Variants in TMED3 observed in about 807,000 individuals in gnomAD.
TMED3 encodes the protein transmembrane emp24 domain-containing protein 3.
A neutral mutation model predicts 15.0 loss-of-function variants in TMED3; 9 were observed. The ratio of observed to expected loss-of-function variants is 0.60; its 90% CI spans 0.36 to 1.04. TMED3 has a LOEUF of 1.04. TMED3 is among the 50% of genes least tolerant of loss of function. The pLI is 0.01. For synonymous variants in TMED3, 117 were observed against 121.4 expected (o/e 0.96, Z 0.24); for missense variants, 267 against 278.9 (o/e 0.96, Z 0.30).
intron 2 of TMED3, among the ~76,000 whole-genome samples, chr15:79,347,541 G>C (rs998313537): frequency 6.6e-6 from 1 of 152,116 alleles, no homozygotes; most frequent in Non-Finnish European, 1.5e-5. Flanking sequence ...GGGCAATCAG[G>C]CAAGGGAAAG....
intron 2 of TMED3, among the ~76,000 whole-genome samples, chr15:79,368,211 C>G (rs1893273223): frequency 6.6e-6 from 1 of 152,198 alleles, no homozygotes; most frequent in Non-Finnish European, 1.5e-5. Context: ...TGAGGGCCAG[C>G]TAGGTGCCTG....
chr15:79,349,969 A>T (rs936559481), intron 2 of TMED3, among the ~76,000 whole-genome samples: 1 of 152,360 alleles, frequency 6.6e-6, no homozygotes, highest in East Asian at 1.9e-4. Flanking sequence ...TCTGTTTTAC[A>T]TGTATCCCTC....
intron 2 of TMED3, among the ~76,000 whole-genome samples, chr15:79,343,656 G>A (rs973592674): frequency 2.6e-5 from 4 of 152,166 alleles, no homozygotes; most frequent in African/African-American, 9.7e-5. Flanking sequence ...TGCAGGGAGT[G>A]AGGAGCTACT....
downstream of TMED3, among the ~76,000 whole-genome samples, chr15:79,326,555 AC>A (rs1555421594): frequency 6.6e-6 from 1 of 152,200 alleles, no homozygotes; most frequent in Non-Finnish European, 1.5e-5. Flanking sequence ...ACCCTGCCCA[AC>A]CTTTGTAAAT....
chr15:79,345,569 G>C (rs2058867799), intron 2 of TMED3, among the ~76,000 whole-genome samples: 1 of 152,086 alleles, frequency 6.6e-6, no homozygotes, highest in Admixed American at 6.6e-5. Context: ...TTAGGTTGTT[G>C]ATTCCATGTC....
chr15:79,327,507 C>T (rs2141221402), downstream of TMED3, among the ~76,000 whole-genome samples: 1 of 152,346 alleles, frequency 6.6e-6, no homozygotes, highest in African/African-American at 2.4e-5. Context: ...GCTGGATGTT[C>T]TTTTAAATGT....
intron 2 of TMED3, chr15:79,314,761 A>C: frequency 3.6e-6 from 1 of 278,156 alleles, no homozygotes. Context: ...TTTTGGGGGG[A>C]TAGTCATGTC....
intron 2 of TMED3, among the ~76,000 whole-genome samples, chr15:79,377,543 T>C (rs1269540187): frequency 2.0e-5 from 3 of 152,140 alleles, no homozygotes; most frequent in Non-Finnish European, 4.4e-5. Context: ...CCATAGTGCA[T>C]AGATTTTTAG....
intron 2 of TMED3, among the ~76,000 whole-genome samples, chr15:79,405,533 C>T (rs1337552524): frequency 6.6e-6 from 1 of 152,138 alleles, no homozygotes; most frequent in Admixed American, 6.6e-5. Context: ...AGAACCCTAC[C>T]AAACCTTAGT....
chr15:79,360,006 T>C (rs757527854), intron 2 of TMED3, among the ~76,000 whole-genome samples: 4 of 152,222 alleles, frequency 2.6e-5, no homozygotes, highest in Non-Finnish European at 4.4e-5. Flanking sequence ...TGTTATACTC[T>C]TCCACTGTTA....
chr15:79,318,091 G>A (rs2058748901), intron 2 of TMED3, among the ~76,000 whole-genome samples: 1 of 152,108 alleles, frequency 6.6e-6, no homozygotes, highest in Admixed American at 6.5e-5. Flanking sequence ...TTCTTTGCCT[G>A]TGCTTCTGCT....
chr15:79,401,842 A>G (rs1302035440), intron 2 of TMED3, among the ~76,000 whole-genome samples: 1 of 152,140 alleles, frequency 6.6e-6, no homozygotes, highest in Non-Finnish European at 1.5e-5. Flanking sequence ...ACCATTTTCA[A>G]ATAGATGTGG....
intron 2 of TMED3, among the ~76,000 whole-genome samples, chr15:79,352,954 TA>T (rs976563672): frequency 1.8e-4 from 21 of 119,164 alleles, no homozygotes; most frequent in South Asian, 2.3e-4. Context: ...ATAATATATG[TA>T]ATATATAATA....
intron 2 of TMED3, among the ~76,000 whole-genome samples, chr15:79,372,853 C>A (rs917361975): frequency 2.0e-5 from 3 of 152,194 alleles, no homozygotes; most frequent in African/African-American, 7.2e-5. Flanking sequence ...TAGAATTCTC[C>A]TTTCTTATCA....
At chr15:79,316,440 T>G (rs1257358767) in intron 2 of TMED3, among the ~76,000 whole-genome samples, 2 of 152,198 alleles carry the variant, frequency 1.3e-5, no homozygotes, top group Admixed American at 6.5e-5. Context: ...TAGGAAGGAT[T>G]AAAGGTTTTC....
intron 2 of TMED3, among the ~76,000 whole-genome samples, chr15:79,364,320 T>A (rs922044535): frequency 1.9e-4 from 29 of 152,130 alleles, no homozygotes; most frequent in Non-Finnish European, 4.3e-4. Context: ...AGTTCCCTTA[T>A]ATGCATAAAA....
rs765426355 is a variant in TMED3 at position 79,311,407 on chromosome 15, T to C, written c.158T>C (p.Leu53Pro). The C allele has an allele frequency of 6.2e-6, 10 of 1,609,588 alleles. No individual in the cohort carries two copies. In the Admixed American group the frequency reaches 1.5e-4, roughly 24 times the overall value. ...GTGGAGCAGGGCGTGAAGTTCTCCCTGGATTACCAGGTGAGGCCGGGCGCC... is the reference window on the plus strand; with the variant it reads ...GTGGAGCAGGGCGTGAAGTTCTCCCCGGATTACCAGGTGAGGCCGGGCGCC... ...EEVEQGVKFS[L>P]DYQVITGGHY... The change falls in exon 1 of 3, where the codon CTG (leucine) becomes CCG (proline). Residue 53 changes from leucine to proline, a missense_variant. Around this residue, in one of 3 missense-constraint regions of TMED3, gnomAD observed 69 missense variants for 106.8 expected, o/e 0.65. Coordinates refer to ENST00000299705, the MANE Select transcript of TMED3 (RefSeq NM_007364.4).
intron 2 of TMED3, among the ~76,000 whole-genome samples, chr15:79,389,012 G>A (rs1893663873): frequency 6.6e-6 from 1 of 152,120 alleles, no homozygotes; most frequent in African/African-American, 2.4e-5. Context: ...TGTATAGATT[G>A]TGAAGAATTT....
intron 2 of TMED3, among the ~76,000 whole-genome samples, chr15:79,393,174 T>G (rs1595909703): frequency 6.6e-6 from 1 of 152,352 alleles, no homozygotes; most frequent in East Asian, 1.9e-4. Flanking sequence ...TTATCCAAAA[T>G]TTTTGGAGGG....
Sources: gnomAD v4.1 joint callset for allele counts (sites outside exome capture counted in the v4.1 genomes callset) on GRCh38, gnomAD v4.1.1 for gene constraint, gnomAD v4.1.1 regional missense constraint, MANE v1.5 for transcripts, NCBI Gene and HGNC (gene_info 2026-07-23, HGNC 2026-07-21) for gene names.